MSR1: variants seen among roughly 807,000 people sequenced by gnomAD.
MSR1 encodes macrophage scavenger receptor types I and II.
A neutral mutation model predicts 47.2 loss-of-function variants in MSR1; 53 were observed. The observed-to-expected ratio is 1.12, with a 90% CI of 0.90 to 1.41. The LOEUF is 1.41. Among genes scored for constraint, MSR1 ranks in the 40% most tolerant of loss-of-function variants. MSR1 has a pLI of 0.00. For synonymous variants in MSR1, 239 were observed against 185.6 expected, an observed-to-expected ratio of 1.29 and a Z score of -2.34; for missense variants, 786 against 546.9, an observed-to-expected ratio of 1.44 and a Z score of -4.36.
intron 5 of MSR1, among the ~76,000 whole-genome samples, chr8:16,162,590 C>T (rs1448408833): frequency 6.6e-6 from 1 of 151,898 alleles, no homozygotes; most frequent in Non-Finnish European, 1.5e-5. Context: ...TTAACAAAAG[C>T]AGGAAAATAC....
chr8:16,190,952 C>A (rs1003503684), intron 1 of MSR1, among the ~76,000 whole-genome samples: 1 of 152,080 alleles, frequency 6.6e-6, no homozygotes, highest in Non-Finnish European at 1.5e-5. Context: ...AACTCCCGAC[C>A]TCAGGTAATC....
In MSR1 at chr8:16,175,297, G is replaced by T. The variant is rs1801612722; in HGVS notation, c.107C>A (p.Pro36His). The T allele has an allele frequency of 6.2e-7, 1 of 1,613,386 alleles. No individual in the cohort carries two copies. The highest frequency in any genetic ancestry group is 1.1e-5 in the South Asian group (1 of 91,070). ...RSMTALLPPN[P>H]KNSPSLQEKL... is the part of the protein sequence containing the mutation. The stretch of plus-strand genomic sequence containing the variant: ...CTCTTGAAGGGAAGGGCTGTTTTTA[G>T]GATCTAATAAAACAAAAAAGCCCAG... The change falls in exon 3 of 10, where the codon CCT (proline) becomes CAT (histidine). Residue 36 changes from proline to histidine, a missense_variant. Physicochemically the swap from Pro to His is moderately conservative, Grantham distance 77. Transcript: ENST00000262101.
rs140186172 is a variant in MSR1 at position 16,155,115 on chromosome 8, C to G, written c.847G>C (p.Asp283His). 1.7e-4 allele frequency: 279 copies of G among 1,612,224 alleles called. No individual in the cohort carries two copies. In the African/African-American group the frequency reaches 2.6e-3, roughly 15 times the overall value. ...GPPGPPGEKG[D>H]RGPTGESGPR... ...CCACTTTCTCCAGTGGGACCTCGAT[C>G]TCCTTTTTCACCCGGGGGTCCAGGA... The change falls in exon 6 of 10, where the codon GAT (aspartate) becomes CAT (histidine). Residue 283 changes from aspartate to histidine, a missense_variant. Coordinates refer to ENST00000262101, the MANE Select transcript of MSR1 (RefSeq NM_138715.3).
chr8:16,177,672 T>C (rs1278905450), intron 2 of MSR1, among the ~76,000 whole-genome samples: 1 of 152,188 alleles, frequency 6.6e-6, no homozygotes, highest in Non-Finnish European at 1.5e-5. Context: ...GCCAGAAGGC[T>C]CAATCAATGT....
intron 3 of MSR1, among the ~76,000 whole-genome samples, chr8:16,169,394 C>T (rs1801416748): frequency 6.6e-6 from 1 of 152,082 alleles, no homozygotes; most frequent in Non-Finnish European, 1.5e-5. Flanking sequence ...CTTGAGCTGC[C>T]AGAAAAGCGT....
chr8:16,184,026 G>A (rs1036608942), intron 1 of MSR1, among the ~76,000 whole-genome samples: 2 of 150,694 alleles, frequency 1.3e-5, no homozygotes, highest in Admixed American at 6.7e-5. Context: ...AGCAGAATCT[G>A]GGGTAAGGTC....
At chr8:16,188,967 C>T (rs867933982) in intron 1 of MSR1, among the ~76,000 whole-genome samples, 42 of 122,250 alleles carry the variant, frequency 3.4e-4, no homozygotes, top group Non-Finnish European at 4.0e-4. Context: ...AACACACATA[C>T]ATATATATAT....
At chr8:16,175,353 T>G in intron 2 of MSR1, 53 bp from the exon 3 acceptor site, 1 of 1,408,948 alleles carries the variant, frequency 7.1e-7, no homozygotes, top group Non-Finnish European at 1.0e-6. Flanking sequence ...TCTTCTTCCA[T>G]AATTAAAATT....
chr8:16,159,967 T>C (rs961870973), intron 5 of MSR1, among the ~76,000 whole-genome samples: 1 of 151,936 alleles, frequency 6.6e-6, no homozygotes, highest in Non-Finnish European at 1.5e-5. Context: ...AAGTACTGGG[T>C]ACATTAGAAT....
Position 16,109,165 on chromosome 8 carries a change from G to GCC in MSR1, c.*919_*920insGG, listed in dbSNP as rs1799699464. 9.3e-5 allele frequency: 8 copies of GCC among 86,034 alleles called. No individual in the cohort carries two copies. The highest frequency in any genetic ancestry group is 4.1e-4 in the African/African-American group (8 of 19,382). 5.3% of individuals were successfully genotyped at this position (86,034 alleles called of 1,614,324 possible). ...TTATTGTCCCTTTAGGACTAAAGACGCACCCCCCACCCCCCCCCCCGCCCT... is the reference window on the plus strand; with the variant it reads ...TTATTGTCCCTTTAGGACTAAAGACGCCCACCCCCCACCCCCCCCCCCGCCCT... On this transcript the variant is annotated 3_prime_UTR_variant, in exon 10 of 10. Coordinates refer to ENST00000262101, the MANE Select transcript of MSR1 (RefSeq NM_138715.3).
At chr8:16,164,031 T>C (rs1307040117) in intron 5 of MSR1, 34 bp downstream of exon 5, 3 of 1,502,298 alleles carry the variant, frequency 2.0e-6, no homozygotes, top group African/African-American at 1.4e-5. Flanking sequence ...TTAATATATA[T>C]ATCATTTTCT....
At chr8:16,177,699 T>A (rs1463998332) in intron 2 of MSR1, among the ~76,000 whole-genome samples, 187 bp downstream of exon 2, 1 of 152,162 alleles carries the variant, frequency 6.6e-6, no homozygotes, top group African/African-American at 2.4e-5. Flanking sequence ...TTAATTTAAT[T>A]TCATATAATA....
At chr8:16,150,841 C>G (rs575636321) in intron 6 of MSR1, among the ~76,000 whole-genome samples, 1 of 93,742 alleles carries the variant, frequency 1.1e-5, no homozygotes, top group South Asian at 4.7e-4. Context: ...GGTAAATAAA[C>G]ATAAACATAA....
At chr8:16,171,024 G>C (rs1289791073) in intron 3 of MSR1, among the ~76,000 whole-genome samples, 5 of 151,780 alleles carry the variant, frequency 3.3e-5, no homozygotes, top group African/African-American at 7.3e-5. Context: ...AGGAGTTCGA[G>C]ACCAGCCTGG....
Position 16,120,556 on chromosome 8 carries a change from T to G in MSR1, c.1084A>C (p.Arg362=), listed in dbSNP as rs139205381. 86 of 1,596,906 alleles carry G rather than the reference T, an allele frequency of 5.4e-5. 1 individual carries two copies. In the African/African-American group the frequency reaches 1.2e-3, roughly 23 times the overall value. Residue 362 remains arginine, a synonymous_variant, in exon 9 of 10, where the codon AGG becomes CGG. Transcript: ENST00000262101. ...TGGCCGCTGTGGAGTATCTCCACCC[T>G]CCCCTCGTGAGGGCCGCTCCCACCG... ...LVGGSGPHEG[R]VEILHSGQWG... is the part of the protein sequence containing the mutation.
At chr8:16,187,364 CAAAAAAAAAAAAAAA>C (rs751848634) in intron 1 of MSR1, among the ~76,000 whole-genome samples, 1 of 35,436 alleles carries the variant, frequency 2.8e-5, no homozygotes, top group Non-Finnish European at 5.0e-5. Flanking sequence ...ACTCTGTCTC[CAAAAAAAAAAAAAAA>C]AAAAAAAAAA....
intron 5 of MSR1, among the ~76,000 whole-genome samples, chr8:16,160,410 C>T (rs1288215704): frequency 6.6e-6 from 1 of 152,034 alleles, no homozygotes; most frequent in African/African-American, 2.4e-5. Context: ...CACTTATTCA[C>T]TCAACACATA....
Position 16,121,256 on chromosome 8 carries a change from AT to A in MSR1, c.1034-651del, listed in dbSNP as rs1337199331. ...GATAAAAAATCAGACAATTTTGTTT[AT>A]TTTTAGAAGTGATTCAAATAGTAAA... On this transcript the variant is annotated intron_variant, in intron 8 of 9. Transcript: ENST00000262101. 2.1e-5 allele frequency: 8 copies of A among 379,196 alleles called. No individual in the cohort carries two copies. In the East Asian group the frequency reaches 5.5e-4, roughly 26 times the overall value. The allele number at this position is 379,196 out of a possible 1,614,324, so 23.5% of individuals were successfully genotyped here.
At chr8:16,153,458 C>T (rs990796805) in intron 6 of MSR1, among the ~76,000 whole-genome samples, 3 of 151,904 alleles carry the variant, frequency 2.0e-5, no homozygotes, top group Admixed American at 1.3e-4. Context: ...TTATGAGGAA[C>T]TGGGTAATGC....
Sources: gnomAD v4.1 joint callset for allele counts (sites outside exome capture counted in the v4.1 genomes callset) on GRCh38, gnomAD v4.1.1 for gene constraint, MANE v1.5 for transcripts, NCBI Gene and HGNC (gene_info 2026-07-23, HGNC 2026-07-21) for gene names.